Variants in BAZ2B observed in about 807,000 individuals in gnomAD.
BAZ2B encodes bromodomain adjacent to zinc finger domain protein 2B.
BAZ2B carries 91 observed loss-of-function variants against 246.0 expected under a neutral mutation model. That is an observed-to-expected ratio of 0.37 (90% confidence interval 0.31 to 0.44). The LOEUF (loss-of-function observed/expected upper bound fraction) is 0.44, where lower values mean the gene tolerates loss of function less well. Among genes scored for constraint, BAZ2B ranks in the 20% least tolerant of loss-of-function variants. The probability of loss-of-function intolerance (pLI) is 1.00; values close to 1 mark genes in which losing one functional copy is unlikely to be tolerated. For synonymous variants in BAZ2B, 855 were observed against 860.0 expected (o/e 0.99, Z 0.10); for missense variants, 2,332 against 2,533.7 (o/e 0.92, Z 1.71).
At chr2:159,510,623 T>C (rs955759968) in intron 2 of BAZ2B, among the ~76,000 whole-genome samples, 1 of 152,208 alleles carries the variant, frequency 6.6e-6, no homozygotes, top group Non-Finnish European at 1.5e-5. Context: ...TTTTATGTTA[T>C]AGATATTTTA....
At chr2:159,658,183 GATC>G in the BAZ2B span, among the ~76,000 whole-genome samples, 1 of 152,208 alleles carries the variant, frequency 6.6e-6, no homozygotes, top group African/African-American at 2.4e-5. Context: ...CTATTGATAG[GATC>G]ATATGATTTC....
chr2:159,336,929 TA>T lies in BAZ2B; in HGVS notation c.5796+12del, dbSNP rs566845118. ...TAAATTAGTTATAATATTTCTTAAA[TA>T]AAAACACTTACAACTTTCATAATTG... is the stretch of plus-strand genomic sequence containing the variant. On this transcript the variant is annotated intron_variant, in intron 33 of 36. Transcript: ENST00000392783. 2.0e-3 allele frequency: 3,179 copies of T among 1,577,222 alleles called. 1 individual carries two copies. The highest frequency in any genetic ancestry group is 5.2e-3 in the Admixed American group (299 of 57,288).
intron 1 of BAZ2B, among the ~76,000 whole-genome samples, chr2:159,577,760 C>G (rs182529060): frequency 2.6e-4 from 40 of 152,024 alleles, no homozygotes; most frequent in South Asian, 4.2e-4. Context: ...TTATACACCA[C>G]AAGAAATAAA....
intron 30 of BAZ2B, among the ~76,000 whole-genome samples, chr2:159,348,061 A>C (rs1328929178): frequency 1.3e-5 from 2 of 152,020 alleles, no homozygotes; most frequent in Non-Finnish European, 2.9e-5. Context: ...GCTCATGCCC[A>C]TAATCTTAGC....
At chr2:159,652,139 C>G in the BAZ2B span, among the ~76,000 whole-genome samples, 1 of 151,910 alleles carries the variant, frequency 6.6e-6, no homozygotes, top group Non-Finnish European at 1.5e-5. Context: ...ACTGGCTATA[C>G]AATTTTACTT....
chr2:159,319,938 A>C lies in BAZ2B; in HGVS notation c.*327T>G, dbSNP rs2062505615. The stretch of plus-strand genomic sequence containing the variant: ...AAAGGAGAACCATTTCCCACATTAG[A>C]GCTCTGGTGTTGAGTATTCAGTGCG... On this transcript the variant is annotated 3_prime_UTR_variant, in exon 37 of 37. Coordinates refer to ENST00000392783, the MANE Select transcript of BAZ2B (RefSeq NM_013450.4). The surrounding 1 kb of genome is among the most constrained non-coding windows in gnomAD (Gnocchi z 4.0). The C allele has an allele frequency of 5.9e-6, 1 of 168,694 alleles. No individual in the cohort carries two copies. The highest frequency in any genetic ancestry group is 6.4e-5 in the Admixed American group (1 of 15,744). The allele number at this position is 168,694 out of a possible 1,614,324, so 10.4% of individuals were successfully genotyped here.
At chr2:159,615,023 G>C (rs1559910853) in intron 1 of BAZ2B, among the ~76,000 whole-genome samples, 1 of 151,724 alleles carries the variant, frequency 6.6e-6, no homozygotes. Flanking sequence ...TTGTTTAGAG[G>C]GCAGGAAAAA....
intron 3 of BAZ2B, among the ~76,000 whole-genome samples, chr2:159,477,925 C>T (rs900058566): frequency 6.6e-5 from 10 of 152,280 alleles, no homozygotes; most frequent in Admixed American, 3.3e-4. Flanking sequence ...CGGGTTCAAG[C>T]GATTCTCCTG....
chr2:159,669,530 ATCT>A, the BAZ2B span, among the ~76,000 whole-genome samples: 2 of 152,084 alleles, frequency 1.3e-5, no homozygotes, highest in African/African-American at 4.8e-5. Flanking sequence ...GGGTGTTAAA[ATCT>A]TCTACCATGA....
rs908145578 is a variant in BAZ2B, at chr2:159,340,649, A to C, written c.5455-2877T>G. The stretch of plus-strand genomic sequence containing the variant: ...TTCAAAGTAGTGAGAGAAAAAAAAA[A>C]CCCTACCAGCCAAGAAAGCCTTCAG... On this transcript the variant is annotated intron_variant, in intron 31 of 36. Coordinates refer to ENST00000392783, the MANE Select transcript of BAZ2B (RefSeq NM_013450.4). Among the ~76,000 whole-genome samples, 22 of 151,998 alleles carry C rather than the reference A, an allele frequency of 1.4e-4. 1 individual carries two copies. The South Asian group carries it at 4.6e-3, about 32-fold the overall frequency.
At chr2:159,409,875 A>C (rs961530856) in intron 14 of BAZ2B, among the ~76,000 whole-genome samples, 1 of 152,230 alleles carries the variant, frequency 6.6e-6, no homozygotes, top group African/African-American at 2.4e-5. Flanking sequence ...TGCAAAATGC[A>C]ATCCAATGTA....
intron 1 of BAZ2B, chr2:159,615,835 G>C (rs1695941171): frequency 6.6e-6 from 1 of 152,498 alleles, no homozygotes; most frequent in Admixed American, 6.5e-5. Flanking sequence ...CACAAAGGCG[G>C]CGGACTCGCG....
intron 1 of BAZ2B, among the ~76,000 whole-genome samples, chr2:159,606,514 G>A (rs1389801598): frequency 2.6e-5 from 4 of 152,128 alleles, no homozygotes; most frequent in East Asian, 1.9e-4. Flanking sequence ...TCAGAAGCAT[G>A]TTTCAACAAC....
At chr2:159,382,929 T>C in intron 24 of BAZ2B, 127 bp from the exon 25 acceptor site, 1 of 1,254,722 alleles carries the variant, frequency 8.0e-7, no homozygotes, top group South Asian at 1.8e-5. Flanking sequence ...GATATACCAA[T>C]GTTAAAAAAA....
intron 3 of BAZ2B, chr2:159,461,450 T>C (rs1013127364): frequency 1.3e-5 from 2 of 152,630 alleles, no homozygotes; most frequent in African/African-American, 4.8e-5. Flanking sequence ...CAGGTTACAA[T>C]AGAAAGATAC....
the BAZ2B span, among the ~76,000 whole-genome samples, chr2:159,633,024 A>T: frequency 6.6e-6 from 1 of 152,354 alleles, no homozygotes; most frequent in East Asian, 1.9e-4. Flanking sequence ...AACTGGCTAT[A>T]TGAATTTTAC....
intron 1 of BAZ2B, among the ~76,000 whole-genome samples, chr2:159,607,556 A>C (rs1693783054): frequency 9.3e-6 from 1 of 107,564 alleles, no homozygotes. Context: ...CCAAGCAGTC[A>C]ATTTTGAAAG....
chr2:159,345,338 C>T (rs2067600959), intron 31 of BAZ2B, among the ~76,000 whole-genome samples: 1 of 28,358 alleles, frequency 3.5e-5, no homozygotes, highest in South Asian at 3.6e-3. Flanking sequence ...GGATATTATT[C>T]TTAACAGAAA....
Position 159,337,568 on chromosome 2 carries a change from T to G in BAZ2B, c.5659A>C (p.Arg1887=). The G allele has an allele frequency of 6.2e-7, 1 of 1,614,188 alleles. No individual in the cohort carries two copies. Among genetic ancestry groups the G allele is most frequent in the Non-Finnish European group, 8.5e-7 (1 of 1,180,010 alleles). ...GTACTTAAGGGGCTCTTCAGATACCTTCTTTCAATGTTCCGCTCCAAATCA... is the reference window on the plus strand; with the variant it reads ...GTACTTAAGGGGCTCTTCAGATACCGTCTTTCAATGTTCCGCTCCAAATCA... ...LADLERNIER[R]IEEDIAPGLR... Residue 1887 remains arginine, a splice_region_variant and synonymous_variant, in exon 32 of 37, where the codon AGA becomes CGA. Transcript: ENST00000392783.
Sources: gnomAD v4.1 joint callset for allele counts (sites outside exome capture counted in the v4.1 genomes callset) on GRCh38, gnomAD v4.1.1 for gene constraint, Gnocchi (gnomAD v3.1) non-coding constraint, MANE v1.5 for transcripts, NCBI Gene and HGNC (gene_info 2026-07-23, HGNC 2026-07-21) for gene names.